SLC25A26: variants seen among roughly 807,000 people sequenced by gnomAD.
The protein encoded by SLC25A26 is solute carrier family 25 member 26.
A neutral mutation model predicts 37.8 loss-of-function variants in SLC25A26; 36 were observed. The observed-to-expected ratio is 0.95, with a 90% CI of 0.73 to 1.26. The LOEUF (loss-of-function observed/expected upper bound fraction) is 1.26. Among genes scored for constraint, SLC25A26 ranks in the 50% most tolerant of loss-of-function variants. The pLI is 0.00. For synonymous variants in SLC25A26, 129 were observed against 122.5 expected (o/e 1.05, Z -0.35); for missense variants, 390 against 331.1 (o/e 1.18, Z -1.38).
upstream of SLC25A26, among the ~76,000 whole-genome samples, chr3:66,218,669 G>A (rs2071396862): frequency 6.6e-6 from 1 of 152,302 alleles, no homozygotes; most frequent in Non-Finnish European, 1.5e-5. Context: ...ATGAGAACAG[G>A]TCATGAGAGA....
intron 1 of SLC25A26, among the ~76,000 whole-genome samples, chr3:66,209,663 AAT>A (rs1174698697): frequency 5.1e-5 from 7 of 138,108 alleles, no homozygotes; most frequent in African/African-American, 1.6e-4. Flanking sequence ...GATATATATA[AAT>A]ATATATATTT....
chr3:66,203,387 A>G (rs1251997634), intron 1 of SLC25A26, among the ~76,000 whole-genome samples: 1 of 152,130 alleles, frequency 6.6e-6, no homozygotes, highest in Non-Finnish European at 1.5e-5. Flanking sequence ...GTCTCAAAAA[A>G]AGGAAAAAAA....
chr3:66,263,037 A>G (rs1172163151), intron 4 of SLC25A26, among the ~76,000 whole-genome samples: 1 of 152,262 alleles, frequency 6.6e-6, no homozygotes, highest in Non-Finnish European at 1.5e-5. Context: ...AATATTTAGT[A>G]GAATAACAGC....
chr3:66,327,578 A>G (rs2075869198), intron 5 of SLC25A26, among the ~76,000 whole-genome samples: 1 of 152,202 alleles, frequency 6.6e-6, no homozygotes, highest in Admixed American at 6.5e-5. Flanking sequence ...TGCAATGTAA[A>G]TAATTGTTAG....
intron 1 of SLC25A26, among the ~76,000 whole-genome samples, chr3:66,194,715 A>C (rs2071012477): frequency 6.6e-6 from 1 of 152,118 alleles, no homozygotes; most frequent in South Asian, 2.1e-4. Flanking sequence ...GATTCTCCTG[A>C]GTCAGCCTCC....
At chr3:66,229,561 A>G (rs1559593388) in intron 1 of SLC25A26, among the ~76,000 whole-genome samples, 1 of 152,208 alleles carries the variant, frequency 6.6e-6, no homozygotes, top group Non-Finnish European at 1.5e-5. Flanking sequence ...CCTGTGAAGA[A>G]GGTGCCTGCT....
At chr3:66,353,002 A>C (rs2076495065) in intron 6 of SLC25A26, among the ~76,000 whole-genome samples, 1 of 152,214 alleles carries the variant, frequency 6.6e-6, no homozygotes, top group African/African-American at 2.4e-5. Flanking sequence ...TTACGACATC[A>C]GTGGTGTGAT....
At chr3:66,324,366 A>G (rs972384842) in intron 5 of SLC25A26, among the ~76,000 whole-genome samples, 1 of 151,942 alleles carries the variant, frequency 6.6e-6, no homozygotes, top group Non-Finnish European at 1.5e-5. Flanking sequence ...GCCAGATTTT[A>G]TTGGTCTGAG....
chr3:66,177,458 C>A (rs1454318019), intron 1 of SLC25A26, among the ~76,000 whole-genome samples: 1 of 152,176 alleles, frequency 6.6e-6, no homozygotes, highest in Non-Finnish European at 1.5e-5. Context: ...CAGCAACAAC[C>A]CACAACACTT....
At chr3:66,237,779 A>AC (rs2072366394) in intron 2 of SLC25A26, among the ~76,000 whole-genome samples, 1 of 152,218 alleles carries the variant, frequency 6.6e-6, no homozygotes, top group Non-Finnish European at 1.5e-5. Flanking sequence ...CATATATAAG[A>AC]CACACCCACA....
chr3:66,259,753 C>A (rs2073448189), intron 3 of SLC25A26, among the ~76,000 whole-genome samples: 1 of 152,172 alleles, frequency 6.6e-6, no homozygotes, highest in East Asian at 1.9e-4. Context: ...CTCCAGCTGT[C>A]CTGTGCATTG....
chr3:66,296,588 G>A (rs890422148), intron 5 of SLC25A26, among the ~76,000 whole-genome samples: 1 of 152,168 alleles, frequency 6.6e-6, no homozygotes, highest in Non-Finnish European at 1.5e-5. Flanking sequence ...AATGTATTGT[G>A]TGTGTATGCA....
At chr3:66,143,471 G>A (rs2070067438) in intron 1 of SLC25A26, among the ~76,000 whole-genome samples, 1 of 152,160 alleles carries the variant, frequency 6.6e-6, no homozygotes, top group African/African-American at 2.4e-5. Flanking sequence ...TGAGCCAAAA[G>A]TTCAGATCCC....
At chr3:66,178,136 A>G (rs189835799) in intron 1 of SLC25A26, among the ~76,000 whole-genome samples, 2 of 152,294 alleles carry the variant, frequency 1.3e-5, no homozygotes, top group East Asian at 3.9e-4. Context: ...AGTCAGATTC[A>G]TGTGTAAGGA....
intron 5 of SLC25A26, among the ~76,000 whole-genome samples, chr3:66,291,070 C>A (rs950546553): frequency 2.6e-5 from 4 of 152,156 alleles, no homozygotes; most frequent in African/African-American, 9.7e-5. Context: ...GGAATTTATC[C>A]ATTTCCTCTA....
At chr3:66,256,738 G>A (rs2073318284) in intron 3 of SLC25A26, among the ~76,000 whole-genome samples, 1 of 152,004 alleles carries the variant, frequency 6.6e-6, no homozygotes, top group Non-Finnish European at 1.5e-5. Flanking sequence ...TCTACTAAAA[G>A]ATGAAAAAAT....
chr3:66,328,818 C>A (rs1166349716), intron 5 of SLC25A26, among the ~76,000 whole-genome samples: 2 of 151,908 alleles, frequency 1.3e-5, no homozygotes, highest in Non-Finnish European at 2.9e-5. Context: ...CTAAATGGCA[C>A]CATTTAAAGT....
chr3:66,196,076 T>G (rs2071040003), intron 1 of SLC25A26, among the ~76,000 whole-genome samples: 1 of 152,252 alleles, frequency 6.6e-6, no homozygotes, highest in Non-Finnish European at 1.5e-5. Context: ...TAGACTTTTA[T>G]CTCTGCAATC....
chr3:66,353,767 C>G (rs1000313865), intron 6 of SLC25A26, among the ~76,000 whole-genome samples: 1 of 152,150 alleles, frequency 6.6e-6, no homozygotes, highest in Non-Finnish European at 1.5e-5. Context: ...TTCTCAGAGA[C>G]CAACCCTGGA....
Sources: allele counts gnomAD v4.1 joint callset (sites outside exome capture counted in the v4.1 genomes callset), GRCh38; gene constraint gnomAD v4.1.1; transcripts MANE v1.5; gene names NCBI Gene and HGNC (gene_info 2026-07-23, HGNC 2026-07-21).